Variants in FBXL2 observed in about 807,000 individuals in gnomAD.
The protein encoded by FBXL2 is F-box/LRR-repeat protein 2.
Under a neutral mutation model 69.2 loss-of-function variants are expected in FBXL2, and 38 were observed. That is an observed-to-expected ratio of 0.55 (90% confidence interval 0.42 to 0.72). The LOEUF (loss-of-function observed/expected upper bound fraction) is 0.72, where lower values mean the gene tolerates loss of function less well. Among genes scored for constraint, FBXL2 ranks in the 30% least tolerant of loss-of-function variants. The pLI is 0.00. For synonymous variants in FBXL2, 192 were observed against 201.3 expected (o/e 0.95, Z 0.39); for missense variants, 354 against 520.3 (o/e 0.68, Z 3.11).
intron 2 of FBXL2, among the ~76,000 whole-genome samples, chr3:33,324,252 T>A (rs977374020): frequency 7.9e-5 from 12 of 152,230 alleles, no homozygotes; most frequent in Non-Finnish European, 2.9e-5. Context: ...TTCTGTAGGT[T>A]GCCTGTTCAC....
At chr3:33,390,137 T>C (rs1197524679), downstream of FBXL2, 1 of 605,610 alleles carries the variant, frequency 1.7e-6, no homozygotes, top group East Asian at 2.8e-5. Flanking sequence ...CTCACTCTCA[T>C]GAGGATGCTT....
chr3:33,411,999 G>A, the FBXL2 span, among the ~76,000 whole-genome samples: 1 of 151,720 alleles, frequency 6.6e-6, no homozygotes, highest in African/African-American at 2.4e-5. Context: ...CCAGCCTGGC[G>A]AACATGGTGA....
intron 2 of FBXL2, among the ~76,000 whole-genome samples, chr3:33,338,752 C>T (rs1259283225): frequency 6.6e-6 from 1 of 152,152 alleles, no homozygotes; most frequent in African/African-American, 2.4e-5. Context: ...AGAATCCTTC[C>T]TTTTACTATA....
At chr3:33,383,921 CT>C (rs202199603) in intron 13 of FBXL2, 67 bp from the exon 14 acceptor site, 82 of 1,514,124 alleles carry the variant, frequency 5.4e-5, no homozygotes, top group Non-Finnish European at 6.7e-5. Context: ...TAGCTTCCAG[CT>C]TTTTTTTAGG....
intron 12 of FBXL2, among the ~76,000 whole-genome samples, chr3:33,401,678 C>T (rs2044234141): frequency 6.6e-6 from 1 of 152,184 alleles, no homozygotes; most frequent in Non-Finnish European, 1.5e-5. Context: ...TCCTTTCTAC[C>T]CATAAGAACT....
At chr3:33,362,377 T>C (rs2041684145) in intron 4 of FBXL2, among the ~76,000 whole-genome samples, 1 of 152,220 alleles carries the variant, frequency 6.6e-6, no homozygotes, top group Non-Finnish European at 1.5e-5. Flanking sequence ...ATTTTAGGGC[T>C]TATTTTTCTC....
chr3:33,352,997 C>G (rs1324613640), intron 2 of FBXL2, among the ~76,000 whole-genome samples: 1 of 151,976 alleles, frequency 6.6e-6, no homozygotes, highest in Non-Finnish European at 1.5e-5. Context: ...AGATATTTTA[C>G]CAAAGAAGAT....
downstream of FBXL2, chr3:33,388,470 C>T (rs912374579): frequency 2.0e-5 from 3 of 152,604 alleles, no homozygotes; most frequent in African/African-American, 4.8e-5. Context: ...TTCAATGCCA[C>T]TCAGTATAAT....
intron 12 of FBXL2, chr3:33,397,549 G>A (rs999691821): frequency 6.5e-6 from 1 of 152,994 alleles, no homozygotes; most frequent in African/African-American, 2.4e-5. Flanking sequence ...AAAGGAAATG[G>A]AAGTCCAGAG....
At chr3:33,381,773 GT>G (rs1431791809) in intron 13 of FBXL2, among the ~76,000 whole-genome samples, 1 of 151,730 alleles carries the variant, frequency 6.6e-6, no homozygotes, top group African/African-American at 2.4e-5. Flanking sequence ...TAAAGAACCA[GT>G]TTTCTGGCTT....
chr3:33,342,893 G>GTTTT (rs60623868), intron 2 of FBXL2, among the ~76,000 whole-genome samples: 2,044 of 99,100 alleles, frequency 0.021, 34 homozygotes, highest in Non-Finnish European at 0.028. Context: ...ACGCCCAGCT[G>GTTTT]TTTTTTTTTT....
chr3:33,339,104 A>G (rs2039816578), intron 2 of FBXL2, among the ~76,000 whole-genome samples: 1 of 152,238 alleles, frequency 6.6e-6, no homozygotes, highest in South Asian at 2.1e-4. Flanking sequence ...AAACCCTTTT[A>G]AAAAGTGGGC....
At chr3:33,358,892 G>A in intron 2 of FBXL2, 75 bp from the exon 3 acceptor site, 6 of 953,758 alleles carry the variant, frequency 6.3e-6, no homozygotes, top group Non-Finnish European at 7.7e-6. Flanking sequence ...GCGGATTAGA[G>A]TTTATCTTTC....
In FBXL2 at chr3:33,361,196, C is replaced by T. The variant is rs535690724; in HGVS notation, c.195+1839C>T. 6.6e-5 allele frequency among the ~76,000 whole-genome samples: 10 copies of T among 150,806 alleles called. No individual in the cohort carries two copies. In the East Asian group the frequency reaches 1.4e-3, roughly 21 times the overall value. On this transcript the variant is annotated intron_variant, in intron 4 of 14. Coordinates refer to ENST00000484457, the MANE Select transcript of FBXL2 (RefSeq NM_012157.5). ...TCCTGACATCGTGATCCGCCCGCCT[C>T]GGCCTCCCATGAACTTTTAAAGTCA...
chr3:33,410,728 T>C, the FBXL2 span, among the ~76,000 whole-genome samples: 1 of 152,146 alleles, frequency 6.6e-6, no homozygotes, highest in African/African-American at 2.4e-5. Flanking sequence ...ACTCATCTCT[T>C]AGAGACATGA....
At chr3:33,399,672 C>T (rs1171061485) in intron 12 of FBXL2, among the ~76,000 whole-genome samples, 2 of 152,056 alleles carry the variant, frequency 1.3e-5, no homozygotes, top group African/African-American at 2.4e-5. Flanking sequence ...GGTGTGACTC[C>T]GAAGGGGTAG....
At chr3:33,373,973 G>A (rs1559627100) in intron 9 of FBXL2, 52 bp downstream of exon 9, 1 of 1,584,096 alleles carries the variant, frequency 6.3e-7, no homozygotes, top group Middle Eastern at 1.7e-4. Context: ...GTCTCCCAAA[G>A]CAGTCTGCCT....
intron 4 of FBXL2, among the ~76,000 whole-genome samples, chr3:33,361,904 T>C (rs2041652630): frequency 6.6e-6 from 1 of 152,264 alleles, no homozygotes; most frequent in Middle Eastern, 3.4e-3. Context: ...ATATGCACTT[T>C]GGGAAGGAAA....
chr3:33,288,402 A>G (rs2125691023), intron 1 of FBXL2, among the ~76,000 whole-genome samples: 1 of 152,336 alleles, frequency 6.6e-6, no homozygotes, highest in Non-Finnish European at 1.5e-5. Flanking sequence ...GAGACAGATA[A>G]TAAACAGATA....
Sources: gnomAD v4.1 joint callset for allele counts (sites outside exome capture counted in the v4.1 genomes callset) on GRCh38, gnomAD v4.1.1 for gene constraint, MANE v1.5 for transcripts, NCBI Gene and HGNC (gene_info 2026-07-23, HGNC 2026-07-21) for gene names.